TENM2: variants seen among roughly 807,000 people sequenced by gnomAD.
TENM2 encodes teneurin transmembrane protein 2.
TENM2 carries 52 observed loss-of-function variants against 245.2 expected under a neutral mutation model. The observed-to-expected ratio is 0.21, with a 90% CI of 0.17 to 0.27. The LOEUF (loss-of-function observed/expected upper bound fraction) is 0.27, where lower values mean the gene tolerates loss of function less well. TENM2 is among the 10% of genes least tolerant of loss of function. The pLI, the probability that TENM2 is intolerant of heterozygous loss-of-function variation, is 1.00. For synonymous variants in TENM2, 1,363 were observed against 1,438.9 expected (o/e 0.95, Z 1.19); for missense variants, 3,046 against 3,666.8 (o/e 0.83, Z 4.37).
intron 2 of TENM2, among the ~76,000 whole-genome samples, chr5:167,438,743 T>TA (rs1486595615): frequency 1.3e-5 from 2 of 151,894 alleles, no homozygotes; most frequent in Non-Finnish European, 2.9e-5. Context: ...ATCTAAGTAG[T>TA]AATCATGTCA....
At chr5:168,037,908 A>G (rs1259428792) in intron 5 of TENM2, among the ~76,000 whole-genome samples, 1 of 152,214 alleles carries the variant, frequency 6.6e-6, no homozygotes, top group Non-Finnish European at 1.5e-5. Flanking sequence ...TCTTAACAGT[A>G]CCTCTGCCAT....
intron 1 of TENM2, among the ~76,000 whole-genome samples, chr5:167,364,295 A>G (rs538451733): frequency 9.9e-5 from 15 of 152,182 alleles, no homozygotes; most frequent in Non-Finnish European, 1.6e-4. Context: ...GAGCACCACT[A>G]AAAAATCTGT....
In TENM2 at chr5:168,181,071, A is replaced by C. The variant is rs538826864; in HGVS notation, c.2570-9266A>C. On this transcript the variant is annotated intron_variant, in intron 13 of 28. Coordinates refer to ENST00000518659, the Ensembl canonical transcript of TENM2. The stretch of plus-strand genomic sequence containing the variant: ...CTGGAAATACGGTGCTCAGAGCAAC[A>C]ACATAGACATCACCTGGGAGCTCAT... Among the ~76,000 whole-genome samples the C allele has an allele frequency of 1.4e-3, 215 of 152,370 alleles. 1 individual carries two copies. The highest frequency in any genetic ancestry group is 4.8e-3 in the African/African-American group (198 of 41,592).
At chr5:167,854,801 C>T (rs1770917732) in intron 2 of TENM2, among the ~76,000 whole-genome samples, 1 of 152,092 alleles carries the variant, frequency 6.6e-6, no homozygotes. Context: ...CTCTCAAACC[C>T]ACATTAACCC....
chr5:167,764,681 C>G (rs1762890132), intron 2 of TENM2, among the ~76,000 whole-genome samples: 1 of 152,120 alleles, frequency 6.6e-6, no homozygotes, highest in Non-Finnish European at 1.5e-5. Flanking sequence ...TGAGGATTGA[C>G]TCTTTACTGT....
chr5:167,995,072 C>T (rs1402439173), intron 5 of TENM2, among the ~76,000 whole-genome samples: 12 of 152,010 alleles, frequency 7.9e-5, no homozygotes, highest in African/African-American at 2.7e-4. Flanking sequence ...GTGAGCACCA[C>T]GGGGCCAGTG....
At chr5:167,117,765 A>G in the TENM2 span, among the ~76,000 whole-genome samples, 1 of 152,114 alleles carries the variant, frequency 6.6e-6, no homozygotes, top group Non-Finnish European at 1.5e-5. Context: ...CTCATGGCTT[A>G]TAGGATGTTT....
At chr5:167,280,853 C>T (rs1238439588), upstream of TENM2, among the ~76,000 whole-genome samples, 1 of 151,334 alleles carries the variant, frequency 6.6e-6, no homozygotes, top group African/African-American at 2.4e-5. Context: ...CAAAAAGAAA[C>T]CCCAGGGAAC....
chr5:167,619,729 G>C (rs1324639142), intron 2 of TENM2, among the ~76,000 whole-genome samples: 1 of 152,162 alleles, frequency 6.6e-6, no homozygotes, highest in Non-Finnish European at 1.5e-5. Flanking sequence ...TTAATAGACT[G>C]CAGTCAGGCA....
intron 3 of TENM2, among the ~76,000 whole-genome samples, chr5:167,950,046 G>C (rs1779957714): frequency 6.6e-6 from 1 of 152,162 alleles, no homozygotes; most frequent in South Asian, 2.1e-4. Context: ...AGGGCTGGGT[G>C]AGCGGAGAAT....
At chr5:167,377,617 T>G (rs767293753) in intron 2 of TENM2, among the ~76,000 whole-genome samples, 2 of 152,182 alleles carry the variant, frequency 1.3e-5, no homozygotes, top group Non-Finnish European at 2.9e-5. Context: ...CATCACATCA[T>G]AAACTCTTTA....
In TENM2 at chr5:167,506,971, C is replaced by G. The variant is rs74329487; in HGVS notation, c.502+131498C>G. Among the ~76,000 whole-genome samples, 645 of 152,258 alleles carry G rather than the reference C, an allele frequency of 4.2e-3. 16 individuals are homozygous for G. The East Asian group carries it at 0.06, about 14-fold the overall frequency. ...CATCTTCATTCACATAATTACCCAA[C>G]AGACTTAAACAACTTTTCTAATGTA... is the stretch of plus-strand genomic sequence containing the variant. On this transcript the variant is annotated intron_variant, in intron 2 of 28. Transcript: ENST00000518659.
chr5:167,763,932 G>T (rs1255409040), intron 2 of TENM2, among the ~76,000 whole-genome samples: 1 of 151,690 alleles, frequency 6.6e-6, no homozygotes, highest in African/African-American at 2.4e-5. Context: ...ATGAGTAACT[G>T]ACAAGCAACT....
intron 2 of TENM2, among the ~76,000 whole-genome samples, chr5:167,520,944 T>A (rs1430850788): frequency 6.6e-6 from 1 of 151,290 alleles, no homozygotes; most frequent in Non-Finnish European, 1.5e-5. Flanking sequence ...TTTTTTTTTT[T>A]TTTTTGGTGC....
intron 4 of TENM2, among the ~76,000 whole-genome samples, chr5:167,960,554 A>G (rs1780930294): frequency 6.6e-6 from 1 of 151,130 alleles, no homozygotes; most frequent in African/African-American, 2.5e-5. Context: ...CCTCCCACCA[A>G]GCTGGAGCAT....
chr5:167,703,137 C>T (rs1261113091), intron 2 of TENM2, among the ~76,000 whole-genome samples: 1 of 152,154 alleles, frequency 6.6e-6, no homozygotes, highest in African/African-American at 2.4e-5. Context: ...TGGTATTATT[C>T]CATATGCCAC....
intron 3 of TENM2, among the ~76,000 whole-genome samples, chr5:167,913,196 C>T (rs1386153216): frequency 1.3e-5 from 2 of 152,210 alleles, no homozygotes; most frequent in South Asian, 4.1e-4. Flanking sequence ...CCACCTGCCT[C>T]TTCTCCTAGT....
At chr5:167,606,600 C>T (rs983169017) in intron 2 of TENM2, among the ~76,000 whole-genome samples, 4 of 152,072 alleles carry the variant, frequency 2.6e-5, no homozygotes, top group African/African-American at 4.8e-5. Context: ...GCATTTAGTC[C>T]GTAATGCTAA....
At chr5:167,380,729 AT>A (rs928200581) in intron 2 of TENM2, among the ~76,000 whole-genome samples, 1 of 152,112 alleles carries the variant, frequency 6.6e-6, no homozygotes, top group Non-Finnish European at 1.5e-5. Flanking sequence ...GTGGATAATC[AT>A]TTGGTTTTAA....
Sources: allele counts gnomAD v4.1 joint callset (sites outside exome capture counted in the v4.1 genomes callset), GRCh38; gene constraint gnomAD v4.1.1; transcripts MANE v1.5; gene names NCBI Gene and HGNC (gene_info 2026-07-23, HGNC 2026-07-21).